The following C1QL1 variants were observed in gnomAD, a reference collection of about 807,000 sequenced individuals.
C1QL1 encodes C1q-related factor.
In C1QL1, 15 loss-of-function variants were observed where a neutral mutation model predicts 14.2. The ratio of observed to expected loss-of-function variants is 1.06; its 90% CI spans 0.71 to 1.62. The LOEUF (loss-of-function observed/expected upper bound fraction) is 1.62, where lower values mean the gene tolerates loss of function less well. C1QL1 is among the 40% of genes most tolerant of loss of function. The probability of loss-of-function intolerance (pLI) is 0.00; values close to 1 mark genes in which losing one functional copy is unlikely to be tolerated. For synonymous variants in C1QL1, 172 were observed against 172.4 expected (o/e 1.00, Z 0.02); for missense variants, 346 against 380.3 (o/e 0.91, Z 0.75).
chr17:44,967,795 C>T lies in C1QL1; in HGVS notation c.254G>A (p.Gly85Glu), dbSNP rs2052665965. Residue 85 changes from glycine to glutamate, a missense_variant, in exon 1 of 2, where the codon GGG (glycine) becomes GAG (glutamate). Gly to Glu is a moderately conservative substitution (Grantham distance 98). Coordinates refer to ENST00000253407, the MANE Select transcript of C1QL1 (RefSeq NM_006688.5). The surrounding 1 kb of genome is among the most constrained non-coding windows in gnomAD (Gnocchi z 7.0). ...CACAGGGCCGGGAGGACCTGGGTCCCCGGGAGGCCCCGGAGGGCCGGGCTT... is the reference window on the plus strand; with the variant it reads ...CACAGGGCCGGGAGGACCTGGGTCCTCGGGAGGCCCCGGAGGGCCGGGCTT... ...TGKPGPPGPPGDPGPPGPVGP... is the reference protein window; with the variant it reads ...TGKPGPPGPPEDPGPPGPVGP... The T allele has an allele frequency of 6.9e-7, 1 of 1,456,650 alleles. No individual in the cohort carries two copies. Among genetic ancestry groups the T allele is most frequent in the Non-Finnish European group, 8.9e-7 (1 of 1,118,850 alleles). The allele number at this position is 1,456,650 out of a possible 1,614,324, so 90.2% of individuals were successfully genotyped here.
chr17:44,963,804 C>T (rs974457795), intron 1 of C1QL1, among the ~76,000 whole-genome samples: 2 of 152,254 alleles, frequency 1.3e-5, no homozygotes, highest in East Asian at 3.9e-4. Flanking sequence ...TTGTCAAACC[C>T]CTGGCCCATT....
rs1031038326 is a variant in C1QL1, at chr17:44,967,003, G to T, written c.597+449C>A. ...ACATTTCCTGCAGCCAGCCTTCTCC[G>T]CTCGCGCCCATGGCCACGCGCCTAG... On this transcript the variant is annotated intron_variant, in intron 1 of 1. Coordinates refer to ENST00000253407, the MANE Select transcript of C1QL1 (RefSeq NM_006688.5). This position sits in a 1 kb window ranked among gnomAD's most constrained non-coding sequence, Gnocchi z 7.0. 6.6e-6 allele frequency among the ~76,000 whole-genome samples: 1 copy of T among 152,106 alleles called. No homozygotes were observed. Among genetic ancestry groups the T allele is most frequent in the African/African-American group, 2.4e-5 (1 of 41,400 alleles).
chr17:44,962,715 A>T (rs1405293925), intron 1 of C1QL1, among the ~76,000 whole-genome samples: 1 of 152,208 alleles, frequency 6.6e-6, no homozygotes, highest in Non-Finnish European at 1.5e-5. Context: ...ATAAATTACT[A>T]CTAATAACAA....
Position 44,967,838 on chromosome 17 carries a change from T to C in C1QL1, c.211A>G (p.Lys71Glu). 1 of 1,380,452 alleles carries C rather than the reference T, an allele frequency of 7.2e-7. No homozygotes were observed. The highest frequency in any genetic ancestry group is 9.3e-7 in the Non-Finnish European group (1 of 1,079,276). 85.5% of individuals were successfully genotyped at this position (1,380,452 alleles called of 1,614,324 possible). The stretch of plus-strand genomic sequence containing the variant: ...CCGGGCTTGCCGGTGCGGCCCGGCT[T>C]CCCCTGGGGGCCCTGCACCAGCGTG... Reference protein sequence around the residue: ...PSTLVQGPQGKPGRTGKPGPP... With the variant: ...PSTLVQGPQGEPGRTGKPGPP... Residue 71 changes from lysine to glutamate, a missense_variant, in exon 1 of 2, where the codon AAG becomes GAG. By Grantham distance (56) the Lys-to-Glu change is moderately conservative. Coordinates refer to ENST00000253407, the MANE Select transcript of C1QL1 (RefSeq NM_006688.5). The surrounding 1 kb of genome is among the most constrained non-coding windows in gnomAD (Gnocchi z 7.0).
chr17:44,960,113 G>T lies in C1QL1; in HGVS notation c.*75C>A. ...CCGGGCAGCGAGCGGGTGGGCGAGG[G>T]GCGAGTCATCGTCTGCCCCGCCCGG... On this transcript the variant is annotated 3_prime_UTR_variant, in exon 2 of 2. Coordinates refer to ENST00000253407, the MANE Select transcript of C1QL1 (RefSeq NM_006688.5). 1.5e-6 allele frequency: 2 copies of T among 1,367,868 alleles called. No homozygotes were observed. Among genetic ancestry groups the T allele is most frequent in the Non-Finnish European group, 2.1e-6 (2 of 967,402 alleles). The allele number at this position is 1,367,868 out of a possible 1,614,324, so 84.7% of individuals were successfully genotyped here.
rs1284919450 is a variant in C1QL1 at position 44,960,058 on chromosome 17, A to ACGGGC, written c.*125_*129dup. On this transcript the variant is annotated 3_prime_UTR_variant, in exon 2 of 2. Coordinates refer to ENST00000253407, the MANE Select transcript of C1QL1 (RefSeq NM_006688.5). The stretch of plus-strand genomic sequence containing the variant: ...AGCTGTGGCCCAGGCGGTGTTGAGC[A>ACGGGC]CGGGCCGGGGGCGTCATAGCCGGGG... 1.6e-5 allele frequency: 13 copies of ACGGGC among 816,722 alleles called. No homozygotes were observed. In the East Asian group the frequency reaches 3.0e-4, roughly 19 times the overall value. 50.6% of individuals were successfully genotyped at this position (816,722 alleles called of 1,614,324 possible).
chr17:44,960,182 G>T lies in C1QL1; in HGVS notation c.*6C>A. The T allele has an allele frequency of 6.2e-7, 1 of 1,613,708 alleles. No homozygotes were observed. ...AGGGACGTGGGTGGAGGGAGACGTG[G>T]GGAGCTCAGTCGGAGTAGATGATGA... On this transcript the variant is annotated 3_prime_UTR_variant, in exon 2 of 2. Transcript: ENST00000253407.
chr17:44,960,061 G>A lies in C1QL1; in HGVS notation c.*127C>T, dbSNP rs2052618790. ...TGTGGCCCAGGCGGTGTTGAGCACG[G>A]GCCGGGGGCGTCATAGCCGGGGAGG... is the stretch of plus-strand genomic sequence containing the variant. On this transcript the variant is annotated 3_prime_UTR_variant, in exon 2 of 2. Coordinates refer to ENST00000253407, the MANE Select transcript of C1QL1 (RefSeq NM_006688.5). 1 of 847,452 alleles carries A rather than the reference G, an allele frequency of 1.2e-6. No individual in the cohort carries two copies. The highest frequency in any genetic ancestry group is 2.0e-6 in the Non-Finnish European group (1 of 509,022). 52.5% of individuals were successfully genotyped at this position (847,452 alleles called of 1,614,324 possible).
chr17:44,960,613 G>C (rs1186959433), intron 1 of C1QL1, among the ~76,000 whole-genome samples: 2 of 152,178 alleles, frequency 1.3e-5, no homozygotes, highest in African/African-American at 4.8e-5. Flanking sequence ...GGGAGTCAAG[G>C]CAGAGTCTTC....
At position 44,967,859 on chromosome 17, in the gene C1QL1, G is replaced by T. The variant is rs2052666636; in HGVS notation, c.190C>A (p.Leu64Met). 3.0e-6 allele frequency: 4 copies of T among 1,326,218 alleles called. No individual in the cohort carries two copies. The highest frequency in any genetic ancestry group is 3.8e-6 in the Non-Finnish European group (4 of 1,048,664). 82.2% of individuals were successfully genotyped at this position (1,326,218 alleles called of 1,614,324 possible). A position where few individuals can be genotyped will look rare whatever the true frequency, so the allele number is the denominator to read the frequency against. Residue 64 changes from leucine (L) to methionine (M), a missense_variant, in exon 1 of 2, where the codon CTG (leucine) becomes ATG (methionine). Coordinates refer to ENST00000253407, the MANE Select transcript of C1QL1 (RefSeq NM_006688.5). This position sits in a 1 kb window ranked among gnomAD's most constrained non-coding sequence, Gnocchi z 7.0. ...EQSGAPPPST[L>M]VQGPQGKPGR... ...GGCTTCCCCTGGGGGCCCTGCACCA[G>T]CGTGGAAGGCGGGGGCGCGCCGCTC...
At position 44,959,968 on chromosome 17, in the gene C1QL1, C is replaced by T. The variant is rs375726009; in HGVS notation, c.*220G>A. 2.0e-3 allele frequency: 1,103 copies of T among 559,998 alleles called. 6 individuals carry two copies. In the African/African-American group the frequency reaches 0.02, roughly 10 times the overall value. The allele number at this position is 559,998 out of a possible 1,614,324, so 34.7% of individuals were successfully genotyped here. A position where few individuals can be genotyped will look rare whatever the true frequency, so the allele number is the denominator to read the frequency against. On this transcript the variant is annotated 3_prime_UTR_variant, in exon 2 of 2. Coordinates refer to ENST00000253407, the MANE Select transcript of C1QL1 (RefSeq NM_006688.5). ...CGGGCTGGGCGGGGGCGGTCAACCC[C>T]GGTTCCCTGGCACGGGGACAGGGCG...
Position 44,968,070 on chromosome 17 carries a change from T to G in C1QL1, c.-22A>C. ...GCATCACCACACCCGCGGCGGCCGCTAGCAGCGTCTTTCGGCCCGCGCGGA... is the reference window on the plus strand; with the variant it reads ...GCATCACCACACCCGCGGCGGCCGCGAGCAGCGTCTTTCGGCCCGCGCGGA... On this transcript the variant is annotated 5_prime_UTR_variant, in exon 1 of 2. Coordinates refer to ENST00000253407, the MANE Select transcript of C1QL1 (RefSeq NM_006688.5). 5 of 1,261,244 alleles carry G rather than the reference T, an allele frequency of 4.0e-6. No homozygotes were observed. Among genetic ancestry groups the G allele is most frequent in the South Asian group, 2.6e-5 (1 of 38,382 alleles). The allele number at this position is 1,261,244 out of a possible 1,614,324, so 78.1% of individuals were successfully genotyped here.
chr17:44,961,863 G>A (rs1176887252), intron 1 of C1QL1, among the ~76,000 whole-genome samples: 7 of 145,818 alleles, frequency 4.8e-5, no homozygotes, highest in South Asian at 4.4e-4. Context: ...TCCGCAGTCC[G>A]GCCTGGGCGA....
rs922484053 is a variant in C1QL1, at chr17:44,960,083, G to T, written c.*105C>A. On this transcript the variant is annotated 3_prime_UTR_variant, in exon 2 of 2. Transcript: ENST00000253407. ...ACGGGCCGGGGGCGTCATAGCCGGGGAGGGCCGGGCAGCGAGCGGGTGGGC... is the reference window on the plus strand; with the variant it reads ...ACGGGCCGGGGGCGTCATAGCCGGGTAGGGCCGGGCAGCGAGCGGGTGGGC... 4 of 1,027,256 alleles carry T rather than the reference G, an allele frequency of 3.9e-6. No homozygotes were observed. The Admixed American group carries it at 5.5e-5, about 14-fold the overall frequency. The allele number at this position is 1,027,256 out of a possible 1,614,324, so 63.6% of individuals were successfully genotyped here.
At chr17:44,962,969 G>T (rs2052636026) in intron 1 of C1QL1, among the ~76,000 whole-genome samples, 1 of 152,224 alleles carries the variant, frequency 6.6e-6, no homozygotes, top group Non-Finnish European at 1.5e-5. Context: ...GGGGATCCAA[G>T]AATGGAACCC....
At position 44,968,267 on chromosome 17, in the gene C1QL1, C is replaced by G. The variant is rs2052670254; in HGVS notation, c.-219G>C. Among the ~76,000 whole-genome samples the G allele has an allele frequency of 6.7e-6, 1 of 149,324 alleles. No individual in the cohort carries two copies. On this transcript the variant is annotated 5_prime_UTR_variant, in exon 1 of 2. Coordinates refer to ENST00000253407, the MANE Select transcript of C1QL1 (RefSeq NM_006688.5). ...GCGCTGCGGAGCCCAGCCGCCGGCT[C>G]CTGCCTCGCGCCTCCCTCCTGCTGC...
chr17:44,967,133 G>A lies in C1QL1; in HGVS notation c.597+319C>T, dbSNP rs1357302371. On this transcript the variant is annotated intron_variant, in intron 1 of 1. Coordinates refer to ENST00000253407, the MANE Select transcript of C1QL1 (RefSeq NM_006688.5). The surrounding 1 kb of genome is among the most constrained non-coding windows in gnomAD (Gnocchi z 7.0). ...TGTCGGCCCGAATCCACTTCCCAAGGGGCAAGCCCCCAAGGGCAAGTCCGT... is the reference window on the plus strand; with the variant it reads ...TGTCGGCCCGAATCCACTTCCCAAGAGGCAAGCCCCCAAGGGCAAGTCCGT... Among the ~76,000 whole-genome samples, 2 of 152,352 alleles carry A rather than the reference G, an allele frequency of 1.3e-5. No homozygotes were observed. The highest frequency in any genetic ancestry group is 4.1e-4 in the South Asian group (2 of 4,832).
chr17:44,961,316 C>A (rs2052625786), intron 1 of C1QL1, among the ~76,000 whole-genome samples: 1 of 152,060 alleles, frequency 6.6e-6, no homozygotes, highest in South Asian at 2.1e-4. Context: ...GTGGTGGCTG[C>A]ATACGGTGGC....
intron 1 of C1QL1, among the ~76,000 whole-genome samples, chr17:44,963,279 T>A (rs2052637753): frequency 6.6e-6 from 1 of 151,892 alleles, no homozygotes; most frequent in Non-Finnish European, 1.5e-5. Flanking sequence ...GCCTGGCCCA[T>A]GGGGGACACT....
Sources: allele counts gnomAD v4.1 joint callset (sites outside exome capture counted in the v4.1 genomes callset), GRCh38; gene constraint gnomAD v4.1.1; non-coding constraint Gnocchi (gnomAD v3.1); transcripts MANE v1.5; gene names NCBI Gene and HGNC (gene_info 2026-07-23, HGNC 2026-07-21).